Variants in UBE3C observed in about 807,000 individuals in gnomAD.
UBE3C encodes the protein ubiquitin-protein ligase E3C.
In UBE3C, 42 loss-of-function variants were observed where a neutral mutation model predicts 129.4. That is an observed-to-expected ratio of 0.32 (90% CI 0.25 to 0.42). The LOEUF is 0.42. UBE3C is among the 10% of genes least tolerant of loss of function. The probability of loss-of-function intolerance (pLI) is 1.00; values close to 1 mark genes in which losing one functional copy is unlikely to be tolerated. For synonymous variants in UBE3C, 510 were observed against 492.4 expected (o/e 1.04, Z -0.47); for missense variants, 1,049 against 1,319.1 (o/e 0.80, Z 3.17).
At chr7:157,209,038 G>A (rs770317282) in intron 13 of UBE3C, among the ~76,000 whole-genome samples, 2 of 152,210 alleles carry the variant, frequency 1.3e-5, no homozygotes, top group African/African-American at 2.4e-5. Flanking sequence ...TTAATTGAAA[G>A]AAGTTAATTG....
At chr7:157,196,772 C>G (rs1809131607) in intron 10 of UBE3C, among the ~76,000 whole-genome samples, 1 of 152,044 alleles carries the variant, frequency 6.6e-6, no homozygotes, top group Admixed American at 6.6e-5. Flanking sequence ...AGTTTGAGAC[C>G]AGCCTGACCA....
At chr7:157,194,525 A>G (rs898223942) in intron 10 of UBE3C, among the ~76,000 whole-genome samples, 3 of 152,228 alleles carry the variant, frequency 2.0e-5, no homozygotes, top group Admixed American at 1.3e-4. Flanking sequence ...CTCTGGAATT[A>G]GGCAGTAGGT....
intron 22 of UBE3C, among the ~76,000 whole-genome samples, chr7:157,259,977 G>A (rs186029318): frequency 2.0e-4 from 31 of 152,300 alleles, no homozygotes; most frequent in Admixed American, 1.8e-3. Flanking sequence ...AGTGCAGTGA[G>A]TTTGTTTCAA....
intron 18 of UBE3C, among the ~76,000 whole-genome samples, chr7:157,244,013 C>T (rs577319392): frequency 6.8e-4 from 104 of 152,214 alleles, no homozygotes; most frequent in African/African-American, 2.5e-3. Flanking sequence ...GGGTGATCAC[C>T]TGAGGTCAGG....
chr7:157,175,298 A>G (rs928238833), intron 5 of UBE3C, among the ~76,000 whole-genome samples: 1 of 152,086 alleles, frequency 6.6e-6, no homozygotes, highest in Non-Finnish European at 1.5e-5. Context: ...CTTGTGAATG[A>G]TGGCCATCCT....
rs1808690975 is a variant in UBE3C at position 157,182,432 on chromosome 7, C to T, written c.991+104C>T. ...TGGCAGGTGTTATGGAAAGGTGGGC[C>T]TCTCCTGGAGGAGTGTATTTGCTGG... On this transcript the variant is annotated intron_variant, in intron 8 of 22. Coordinates refer to ENST00000348165, the MANE Select transcript of UBE3C (RefSeq NM_014671.3). 1.2e-5 allele frequency: 14 copies of T among 1,195,916 alleles called. 2 individuals are homozygous for T. The South Asian group carries it at 2.1e-4, about 18-fold the overall frequency. 74.1% of individuals were successfully genotyped at this position (1,195,916 alleles called of 1,614,324 possible). A position where few individuals can be genotyped will look rare whatever the true frequency, so the allele number is the denominator to read the frequency against.
Position 157,229,934 on chromosome 7 carries a change from T to A in UBE3C, c.2234-1146T>A, listed in dbSNP as rs750553494. Among the ~76,000 whole-genome samples, 925 of 151,952 alleles carry A rather than the reference T, an allele frequency of 6.1e-3. 5 individuals carry two copies. Among genetic ancestry groups the A allele is most frequent in the Non-Finnish European group, 9.3e-3 (634 of 67,988 alleles). ...TGTTTTAATTTATTTATTTTTTTTT[T>A]TTTTGAGACTGTCACGCAGGTTGGG... On this transcript the variant is annotated intron_variant, in intron 17 of 22. Transcript: ENST00000348165.
At chr7:157,146,444 A>T (rs1448430105) in intron 1 of UBE3C, among the ~76,000 whole-genome samples, 1 of 151,972 alleles carries the variant, frequency 6.6e-6, no homozygotes, top group Non-Finnish European at 1.5e-5. Flanking sequence ...GCTGGTCTCG[A>T]ACTCCTGACC....
chr7:157,192,276 C>T (rs1032518527), intron 10 of UBE3C: 20 of 388,980 alleles, frequency 5.1e-5, no homozygotes, highest in South Asian at 3.3e-4. Flanking sequence ...ATCCCTACCA[C>T]GTTTTTAAAG....
chr7:157,145,500 G>GTACTTTTTTTTAAA (rs1333841134), intron 1 of UBE3C, among the ~76,000 whole-genome samples: 12 of 152,164 alleles, frequency 7.9e-5, no homozygotes, highest in African/African-American at 2.9e-4. Context: ...CCTAGGTGAC[G>GTACTTTTTTTTAAA]AGAGTGATAC....
intron 16 of UBE3C, among the ~76,000 whole-genome samples, chr7:157,224,846 T>G (rs2116623065): frequency 6.6e-6 from 1 of 151,978 alleles, no homozygotes; most frequent in East Asian, 1.9e-4. Context: ...ACATAATTCC[T>G]GAGCTCCCTC....
chr7:157,167,340 T>C (rs1808245478), intron 2 of UBE3C, among the ~76,000 whole-genome samples: 1 of 152,206 alleles, frequency 6.6e-6, no homozygotes, highest in Non-Finnish European at 1.5e-5. Flanking sequence ...GTAGATGGCA[T>C]TCATAGAAGA....
At position 157,139,151 on chromosome 7, in the gene UBE3C, G is replaced by C. The variant is rs1258515461; in HGVS notation, c.-122G>C. The C allele has an allele frequency of 3.4e-6, 2 of 596,214 alleles. No individual in the cohort carries two copies. Among genetic ancestry groups the C allele is most frequent in the Non-Finnish European group, 4.3e-6 (2 of 470,060 alleles). 36.9% of individuals were successfully genotyped at this position (596,214 alleles called of 1,614,324 possible). A position where few individuals can be genotyped will look rare whatever the true frequency, so the allele number is the denominator to read the frequency against. On this transcript the variant is annotated 5_prime_UTR_variant, in exon 1 of 23. Coordinates refer to ENST00000348165, the MANE Select transcript of UBE3C (RefSeq NM_014671.3). ...GGCGGGCTCGGGTCGCCTCCCGGCC[G>C]CCGCGTCCTCGCTGCCCCGGGCCGG... is the stretch of plus-strand genomic sequence containing the variant.
At chr7:157,235,721 A>T (rs6965998) in intron 18 of UBE3C, among the ~76,000 whole-genome samples, 15,502 of 152,254 alleles carry the variant, frequency 0.1, 898 homozygotes, top group African/African-American at 0.14. Flanking sequence ...CAAAACTAAG[A>T]GTAATTTGAG....
At chr7:157,220,664 T>TGG in intron 14 of UBE3C, 25 bp from the exon 15 acceptor site, 2 of 1,613,860 alleles carry the variant, frequency 1.2e-6, no homozygotes, top group South Asian at 2.2e-5. Context: ...ACAGGGGAGT[T>TGG]CTGAACCAGG....
chr7:157,247,446 C>G (rs1584819256), intron 18 of UBE3C, among the ~76,000 whole-genome samples: 1 of 152,190 alleles, frequency 6.6e-6, no homozygotes. Context: ...AATCCCAGCA[C>G]TCTGGGAGGC....
At chr7:157,195,153 G>A (rs1809082089) in intron 10 of UBE3C, among the ~76,000 whole-genome samples, 1 of 152,190 alleles carries the variant, frequency 6.6e-6, no homozygotes, top group Non-Finnish European at 1.5e-5. Flanking sequence ...GATTAAGAGT[G>A]TGAATCATAG....
At chr7:157,192,775 G>A (rs1809006845) in intron 10 of UBE3C, 1 of 1,296,414 alleles carries the variant, frequency 7.7e-7, no homozygotes, top group African/African-American at 1.5e-5. Context: ...CACTTTGACA[G>A]ACATTATTGT....
intron 14 of UBE3C, among the ~76,000 whole-genome samples, chr7:157,218,016 C>G (rs1795629735): frequency 6.6e-6 from 1 of 152,000 alleles, no homozygotes. Context: ...GAGCGAGATT[C>G]TGTCTCCAGA....
Sources: allele counts gnomAD v4.1 joint callset (sites outside exome capture counted in the v4.1 genomes callset), GRCh38; gene constraint gnomAD v4.1.1; transcripts MANE v1.5; gene names NCBI Gene and HGNC (gene_info 2026-07-23, HGNC 2026-07-21).